The following LHX8 variants were observed in gnomAD, a reference collection of about 807,000 sequenced individuals.
LHX8 encodes the protein LIM homeobox 8.
A neutral mutation model predicts 40.3 loss-of-function variants in LHX8; 12 were observed. That is an observed-to-expected ratio of 0.30 (90% CI 0.19 to 0.48). The LOEUF is 0.48. LHX8 is among the 20% of genes least tolerant of loss of function. LHX8 has a pLI of 0.99. For synonymous variants in LHX8, 179 were observed against 162.0 expected (o/e 1.10, Z -0.80); for missense variants, 344 against 433.7 (o/e 0.79, Z 1.84).
chr1:75,138,002 C>T (rs192653303), intron 3 of LHX8, among the ~76,000 whole-genome samples: 33 of 152,280 alleles, frequency 2.2e-4, no homozygotes, highest in African/African-American at 7.7e-4. Context: ...TAAAGTTAGA[C>T]ACACACAGCC....
At chr1:75,141,508 G>A (rs764999927) in intron 4 of LHX8, among the ~76,000 whole-genome samples, 20 of 152,190 alleles carry the variant, frequency 1.3e-4, no homozygotes, top group Non-Finnish European at 2.6e-4. Context: ...TATGCTTTTA[G>A]CAGTTTACCA....
At chr1:75,148,461 C>T in intron 6 of LHX8, 126 bp from the exon 7 acceptor site, 1 of 720,526 alleles carries the variant, frequency 1.4e-6, no homozygotes, top group Admixed American at 2.0e-5. Context: ...TTTCCCCATA[C>T]CGATTTTCAA....
the LHX8 span, among the ~76,000 whole-genome samples, chr1:75,180,357 A>C: frequency 1.3e-5 from 2 of 152,166 alleles, no homozygotes; most frequent in Non-Finnish European, 2.9e-5. Context: ...CTTTTCACAT[A>C]GTCCCATATT....
intron 6 of LHX8, among the ~76,000 whole-genome samples, chr1:75,144,345 G>A (rs934455259): frequency 4.6e-5 from 7 of 152,148 alleles, no homozygotes; most frequent in Middle Eastern, 3.2e-3. Flanking sequence ...TCTATGGGAC[G>A]CTAATGTGTT....
the LHX8 span, among the ~76,000 whole-genome samples, chr1:75,179,502 G>GTTTTTTTTTTTTT: frequency 1.8e-5 from 2 of 108,482 alleles, no homozygotes; most frequent in Admixed American, 1.0e-4. Flanking sequence ...AACCCCTGTT[G>GTTTTTTTTTTTTT]TTTTTTTTTT....
At chr1:75,166,197 G>T (rs1360012312), downstream of LHX8, among the ~76,000 whole-genome samples, 1 of 152,172 alleles carries the variant, frequency 6.6e-6, no homozygotes, top group Non-Finnish European at 1.5e-5. Context: ...AAAGTCAGAG[G>T]TGGAGCATCT....
chr1:75,166,538 T>A, the LHX8 span, among the ~76,000 whole-genome samples: 25 of 152,212 alleles, frequency 1.6e-4, no homozygotes, highest in Non-Finnish European at 2.9e-4. Context: ...CCACTACTAG[T>A]TATTAGCTCA....
downstream of LHX8, among the ~76,000 whole-genome samples, chr1:75,162,172 G>A (rs993324013): frequency 6.6e-6 from 1 of 151,928 alleles, no homozygotes; most frequent in Non-Finnish European, 1.5e-5. Flanking sequence ...CAACCAGAAA[G>A]TAATCATATG....
Position 75,156,784 on chromosome 1 carries a change from C to T in LHX8, c.781-109C>T, listed in dbSNP as rs75790609. ...AAAGCTGAGTTACATTTATGCGGTG[C>T]TTGTGTGGTAGTGTGATTGAGGTTG... On this transcript the variant is annotated intron_variant, in intron 7 of 8. Coordinates refer to ENST00000356261, the MANE Select transcript of LHX8 (RefSeq NM_001256114.2). 11 of 955,998 alleles carry T rather than the reference C, an allele frequency of 1.2e-5. 1 individual carries two copies. The highest frequency in any genetic ancestry group is 7.8e-5 in the South Asian group (6 of 77,234). 59.2% of individuals were successfully genotyped at this position (955,998 alleles called of 1,614,324 possible).
In LHX8 at chr1:75,161,132, G is replaced by T. The variant is rs1648907654; in HGVS notation, c.*237G>T. On this transcript the variant is annotated 3_prime_UTR_variant, in exon 9 of 9. Coordinates refer to ENST00000356261, the MANE Select transcript of LHX8 (RefSeq NM_001256114.2). Reference sequence around the variant, plus strand: ...AACAAATCAAAACATTTTTTGTATTGTCTGGAAATAGTTCACTCTAGTGTG... The same window carrying T: ...AACAAATCAAAACATTTTTTGTATTTTCTGGAAATAGTTCACTCTAGTGTG... 1 of 505,052 alleles carries T rather than the reference G, an allele frequency of 2.0e-6. No individual in the cohort carries two copies. The highest frequency in any genetic ancestry group is 1.9e-5 in the African/African-American group (1 of 51,810). The allele number at this position is 505,052 out of a possible 1,614,324, so 31.3% of individuals were successfully genotyped here. A position where few individuals can be genotyped will look rare whatever the true frequency, so the allele number is the denominator to read the frequency against.
the LHX8 span, among the ~76,000 whole-genome samples, chr1:75,179,161 G>A: frequency 6.6e-6 from 1 of 152,144 alleles, no homozygotes; most frequent in Non-Finnish European, 1.5e-5. Context: ...GATTTGGGGT[G>A]GAGAGTTCTG....
chr1:75,188,266 TGAG>T, the LHX8 span, among the ~76,000 whole-genome samples: 1 of 152,128 alleles, frequency 6.6e-6, no homozygotes, highest in Non-Finnish European at 1.5e-5. Context: ...CCACACTCAA[TGAG>T]AAGATTTAAA....
At chr1:75,163,419 TTTA>T (rs1358696955), downstream of LHX8, among the ~76,000 whole-genome samples, 4 of 152,174 alleles carry the variant, frequency 2.6e-5, no homozygotes, top group East Asian at 3.8e-4. Flanking sequence ...ATGTTTCTAT[TTTA>T]TTATTTAGAA....
upstream of LHX8, chr1:75,130,597 G>C (rs1647935861): frequency 6.3e-6 from 6 of 953,684 alleles, no homozygotes; most frequent in Non-Finnish European, 1.0e-5. Flanking sequence ...CCACTGGCGT[G>C]AATAAAAGCA....
chr1:75,147,615 C>T (rs1370766533), intron 6 of LHX8, among the ~76,000 whole-genome samples: 1 of 152,142 alleles, frequency 6.6e-6, no homozygotes, highest in African/African-American at 2.4e-5. Context: ...ATTGGTTACC[C>T]ACATCCTATG....
the LHX8 span, among the ~76,000 whole-genome samples, chr1:75,194,775 C>T: frequency 8.6e-3 from 1,314 of 152,272 alleles, 6 homozygotes; most frequent in Non-Finnish European, 0.013. Flanking sequence ...GACATGGCAT[C>T]CTTAATGCTT....
At chr1:75,174,162 T>C in the LHX8 span, among the ~76,000 whole-genome samples, 1 of 152,194 alleles carries the variant, frequency 6.6e-6, no homozygotes, top group Non-Finnish European at 1.5e-5. Flanking sequence ...TTCAGTTCTG[T>C]TGGAGACACT....
chr1:75,140,192 T>C (rs1004355430), intron 3 of LHX8, among the ~76,000 whole-genome samples: 3 of 152,232 alleles, frequency 2.0e-5, no homozygotes, highest in African/African-American at 4.8e-5. Context: ...CAATATTTCA[T>C]GTTCCTATTT....
At chr1:75,155,532 C>T (rs1417532533) in intron 7 of LHX8, among the ~76,000 whole-genome samples, 3 of 152,136 alleles carry the variant, frequency 2.0e-5, no homozygotes, top group Admixed American at 1.3e-4. Flanking sequence ...CTGCGCCCGG[C>T]CCATGAAGAA....
Sources: allele counts gnomAD v4.1 joint callset (sites outside exome capture counted in the v4.1 genomes callset), GRCh38; gene constraint gnomAD v4.1.1; transcripts MANE v1.5; gene names NCBI Gene and HGNC (gene_info 2026-07-23, HGNC 2026-07-21).